The following SEC24A variants were observed in gnomAD, a reference collection of about 807,000 sequenced individuals.
SEC24A encodes the protein SEC24 homolog A, COPII component, also known as protein transport protein Sec24A.
In SEC24A, 93 loss-of-function variants were observed where a neutral mutation model predicts 129.4. The ratio of observed to expected loss-of-function variants is 0.72; its 90% CI spans 0.61 to 0.85. The LOEUF (loss-of-function observed/expected upper bound fraction) is 0.85. Among genes scored for constraint, SEC24A ranks in the 40% least tolerant of loss-of-function variants. SEC24A has a pLI of 0.00. For synonymous variants in SEC24A, 460 were observed against 467.3 expected (o/e 0.98, Z 0.20); for missense variants, 1,264 against 1,307.4 (o/e 0.97, Z 0.51).
At chr5:134,676,438 C>CT (rs34581398) in intron 7 of SEC24A, among the ~76,000 whole-genome samples, 44,510 of 84,260 alleles carry the variant, frequency 0.53, 15,046 homozygotes, top group Non-Finnish European at 0.69. Context: ...GCGCCCGGCT[C>CT]TTTTTTTTTT....
At chr5:134,692,292 T>A (rs1351606304) in intron 11 of SEC24A, among the ~76,000 whole-genome samples, 1 of 152,068 alleles carries the variant, frequency 6.6e-6, no homozygotes, top group Admixed American at 6.6e-5. Flanking sequence ...AGTCATTCAC[T>A]TACCTCAGCC....
At chr5:134,659,047 TTTTATTTATTTA>T (rs142189667) in intron 1 of SEC24A, among the ~76,000 whole-genome samples, 525 of 138,818 alleles carry the variant, frequency 3.8e-3, no homozygotes, top group East Asian at 0.012. Flanking sequence ...ACCCATTTAT[TTTTATTTATTTA>T]TTTATTTATT....
rs753731207 is a variant in SEC24A at position 134,686,876 on chromosome 5, C to T, written c.1578C>T (p.Cys526=). 8.7e-6 allele frequency: 14 copies of T among 1,604,798 alleles called. No individual in the cohort carries two copies. In the East Asian group the frequency reaches 1.1e-4, roughly 13 times the overall value. ...AAACTGGATACTTGAATTCAGTTTG[C>T]CAGAGTTTGTTAGACAATCTGGATT... ...AVETGYLNSV[C]QSLLDNLDLL... The change falls in exon 10 of 23, where the codon TGC becomes TGT. Residue 526 remains cysteine (C), a synonymous_variant. Transcript: ENST00000398844.
Position 134,671,877 on chromosome 5 carries a change from GGCTTATT to G in SEC24A, c.810_816del (p.Leu271GlnfsTer12). On this transcript the variant is annotated frameshift_variant and splice_region_variant, in exon 4 of 23. Transcript: ENST00000398844. LOFTEE classifies it high-confidence loss of function. ...TAGTTACGACGAGATTGAAGGAGGT[GGCTTATT>G]GGGTGAGATGCTATGAAAGTTTTTT... 6.2e-7 allele frequency: 1 copy of G among 1,604,758 alleles called. No individual in the cohort carries two copies. The highest frequency in any genetic ancestry group is 8.5e-7 in the Non-Finnish European group (1 of 1,175,300).
Position 134,721,066 on chromosome 5 carries a change from C to G in SEC24A, c.3039C>G (p.Asn1013Lys). 4 of 1,610,630 alleles carry G rather than the reference C, an allele frequency of 2.5e-6. No homozygotes were observed. Among genetic ancestry groups the G allele is most frequent in the Non-Finnish European group, 3.4e-6 (4 of 1,177,050 alleles). The change falls in exon 21 of 23, where the codon AAC becomes AAG. Residue 1013 changes from asparagine (N) to lysine (K), a missense_variant. Asn to Lys is a moderately conservative substitution (Grantham distance 94). Coordinates refer to ENST00000398844, the MANE Select transcript of SEC24A (RefSeq NM_021982.3). ...TCAGCCAAGTTCTAGGAGTTCAAAA[C>G]TATGCATCAATTCCACAGCCTATGG... ...NFLSQVLGVQ[N>K]YASIPQPMTD...
chr5:134,661,585 A>AG lies in SEC24A; in HGVS notation c.565+1dup. 6.2e-7 allele frequency: 1 copy of AG among 1,604,660 alleles called. No individual in the cohort carries two copies. Among genetic ancestry groups the AG allele is most frequent in the Non-Finnish European group, 8.5e-7 (1 of 1,171,638 alleles). On this transcript the variant is annotated frameshift_variant and splice_region_variant, in exon 2 of 23. Coordinates refer to ENST00000398844, the MANE Select transcript of SEC24A (RefSeq NM_021982.3). LOFTEE classifies it high-confidence loss of function. ...CACTTCAAAATAGCTTCATAAAGTC[A>AG]GGTAGTATTCTTATAGAAGTGCTTA... is the stretch of plus-strand genomic sequence containing the variant.
Position 134,661,338 on chromosome 5 carries a change from C to G in SEC24A, c.317C>G (p.Pro106Arg). 6.2e-7 allele frequency: 1 copy of G among 1,614,172 alleles called. No individual in the cohort carries two copies. The highest frequency in any genetic ancestry group is 8.5e-7 in the Non-Finnish European group (1 of 1,180,020). The change falls in exon 2 of 23, where the codon CCC (proline) becomes CGC (arginine). Residue 106 changes from proline (P) to arginine (R), a missense_variant. By Grantham distance (103) the Pro-to-Arg change is moderately radical. Coordinates refer to ENST00000398844, the MANE Select transcript of SEC24A (RefSeq NM_021982.3). The part of the protein sequence containing the change: ...VTPSLHSGPA[P>R]RMPLPASQNP... ...CCTTCGCTTCATAGTGGTCCTGCTC[C>G]CCGAATGCCATTACCTGCTTCTCAG...
intron 10 of SEC24A, among the ~76,000 whole-genome samples, chr5:134,687,776 A>G (rs1751500385): frequency 6.6e-6 from 1 of 152,228 alleles, no homozygotes; most frequent in Admixed American, 6.5e-5. Context: ...TCTTTAAAAT[A>G]GATGCTTTTG....
chr5:134,695,360 C>A (rs1011482761), intron 13 of SEC24A, among the ~76,000 whole-genome samples: 10 of 151,630 alleles, frequency 6.6e-5, no homozygotes, highest in South Asian at 2.1e-4. Context: ...ACAACAACAA[C>A]AAAAAAGATG....
Position 134,679,710 on chromosome 5 carries a change from T to C in SEC24A, c.1363T>C (p.Cys455Arg), listed in dbSNP as rs555566478. ...LDQRRWKCNL[C>R]YRVNDVPEEF... ...TCAAAGGAGATGGAAGTGTAACTTATGTTATCGAGTCAATGATGGTATGGG... is the reference window on the plus strand; with the variant it reads ...TCAAAGGAGATGGAAGTGTAACTTACGTTATCGAGTCAATGATGGTATGGG... Residue 455 changes from cysteine to arginine, a missense_variant, in exon 8 of 23, where the codon TGT becomes CGT. Transcript: ENST00000398844. The C allele has an allele frequency of 5.6e-6, 9 of 1,594,476 alleles. No homozygotes were observed. Among genetic ancestry groups the C allele is most frequent in the South Asian group, 1.1e-5 (1 of 88,422 alleles).
At chr5:134,707,885 CA>C (rs1204979383) in intron 17 of SEC24A, among the ~76,000 whole-genome samples, 1 of 151,842 alleles carries the variant, frequency 6.6e-6, no homozygotes, top group Non-Finnish European at 1.5e-5. Context: ...AGTGTCATGG[CA>C]AATGATGAAA....
intron 16 of SEC24A, among the ~76,000 whole-genome samples, chr5:134,704,738 G>C (rs958405459): frequency 2.6e-5 from 4 of 151,690 alleles, no homozygotes; most frequent in African/African-American, 9.7e-5. Flanking sequence ...AGGAGTTTGA[G>C]GCTGCAGTGA....
Position 134,721,842 on chromosome 5 carries a change from C to T in SEC24A, c.3063+752C>T, listed in dbSNP as rs969849237. The stretch of plus-strand genomic sequence containing the variant: ...AGCAGTGATTATGCTGCTGCACTCC[C>T]GCCTGGGCAACAGAGCAAGAACCTG... On this transcript the variant is annotated intron_variant, in intron 21 of 22. Transcript: ENST00000398844. Among the ~76,000 whole-genome samples the T allele has an allele frequency of 3.3e-5, 5 of 151,860 alleles. No homozygotes were observed. In the South Asian group the frequency reaches 6.2e-4, roughly 19 times the overall value.
At chr5:134,662,057 C>T (rs530239123) in intron 2 of SEC24A, among the ~76,000 whole-genome samples, 166 of 152,070 alleles carry the variant, frequency 1.1e-3, no homozygotes, top group African/African-American at 3.8e-3. Flanking sequence ...TCTTGAACTC[C>T]CGACCTCAGG....
intron 1 of SEC24A, among the ~76,000 whole-genome samples, chr5:134,652,782 T>C (rs1750106389): frequency 6.6e-6 from 1 of 151,900 alleles, no homozygotes; most frequent in Admixed American, 6.6e-5. Context: ...TTTGTTTGTT[T>C]GTTTTGTTTT....
chr5:134,703,743 C>G lies in SEC24A; in HGVS notation c.2267-16C>G, dbSNP rs764880416. ...TAGGTATATAAAAATAATTTTGTTACCTTTTTCTCTTCTAGGTCTTTCCAT... is the reference window on the plus strand; with the variant it reads ...TAGGTATATAAAAATAATTTTGTTAGCTTTTTCTCTTCTAGGTCTTTCCAT... On this transcript the variant is annotated splice_polypyrimidine_tract_variant and intron_variant, in intron 15 of 22. Coordinates refer to ENST00000398844, the MANE Select transcript of SEC24A (RefSeq NM_021982.3). The G allele has an allele frequency of 6.4e-7, 1 of 1,570,306 alleles. No homozygotes were observed. Among genetic ancestry groups the G allele is most frequent in the Non-Finnish European group, 8.7e-7 (1 of 1,143,208 alleles).
At chr5:134,689,616 T>C (rs572836866) in intron 11 of SEC24A, among the ~76,000 whole-genome samples, 15 of 151,892 alleles carry the variant, frequency 9.9e-5, no homozygotes, top group African/African-American at 3.6e-4. Context: ...CAAAAATTAG[T>C]TGGGCGTGGT....
Position 134,727,705 on chromosome 5 carries a change from T to C in SEC24A, c.*2611T>C, listed in dbSNP as rs1234717156. 2 of 152,612 alleles carry C rather than the reference T, an allele frequency of 1.3e-5. No homozygotes were observed. Among genetic ancestry groups the C allele is most frequent in the South Asian group, 2.1e-4 (1 of 4,836 alleles). 9.5% of individuals were successfully genotyped at this position (152,612 alleles called of 1,614,324 possible). On this transcript the variant is annotated 3_prime_UTR_variant, in exon 23 of 23. Transcript: ENST00000398844. ...ATTCTTGTTCTTAAATTCAAATATG[T>C]ATTGATCTTCAATGTGCTGTGTTAA... is the stretch of plus-strand genomic sequence containing the variant.
chr5:134,725,020 A>T lies in SEC24A; in HGVS notation c.3208A>T (p.Ile1070Leu), dbSNP rs1752726901. 1.2e-6 allele frequency: 2 copies of T among 1,610,538 alleles called. No homozygotes were observed. Among genetic ancestry groups the T allele is most frequent in the Admixed American group, 3.3e-5 (2 of 59,888 alleles). The change falls in exon 23 of 23, where the codon ATA becomes TTA. Residue 1070 changes from isoleucine (I) to leucine (L), a missense_variant. Transcript: ENST00000398844. ...PMKANFLQNM[I>L]EDRTESALSY... The stretch of plus-strand genomic sequence containing the variant: ...GAAAGCAAACTTCCTTCAAAACATG[A>T]TAGAAGACAGAACAGAATCTGCATT...
Sources: allele counts gnomAD v4.1 joint callset (sites outside exome capture counted in the v4.1 genomes callset), GRCh38; gene constraint gnomAD v4.1.1; transcripts MANE v1.5; gene names NCBI Gene and HGNC (gene_info 2026-07-23, HGNC 2026-07-21).